The following COLEC10 variants were observed in gnomAD, a reference collection of about 807,000 sequenced individuals.
COLEC10 encodes collectin subfamily member 10.
COLEC10 carries 22 observed loss-of-function variants against 28.4 expected under a neutral mutation model. The ratio of observed to expected loss-of-function variants is 0.78; its 90% CI spans 0.55 to 1.11. The LOEUF is 1.11. COLEC10 is among the 50% of genes least tolerant of loss of function. The pLI is 0.00. For synonymous variants in COLEC10, 125 were observed against 116.1 expected, an observed-to-expected ratio of 1.08 and a Z score of -0.49; for missense variants, 361 against 344.1, an observed-to-expected ratio of 1.05 and a Z score of -0.39.
At chr8:119,090,665 T>G (rs1272339439) in intron 2 of COLEC10, among the ~76,000 whole-genome samples, 1 of 152,228 alleles carries the variant, frequency 6.6e-6, no homozygotes, top group African/African-American at 2.4e-5. Flanking sequence ...GAATGAAAAC[T>G]CAGCAGGACC....
intron 1 of COLEC10, among the ~76,000 whole-genome samples, chr8:119,007,510 A>C (rs969539950): frequency 6.6e-6 from 1 of 151,152 alleles, no homozygotes; most frequent in Non-Finnish European, 1.5e-5. Flanking sequence ...GTAGCTTTCT[A>C]AAAAGTTTAA....
chr8:118,965,529 G>A, the COLEC10 span, among the ~76,000 whole-genome samples: 17,400 of 151,878 alleles, frequency 0.11, 1,226 homozygotes, highest in African/African-American at 0.2. Context: ...TCTGGTGACC[G>A]GGGCTGAGCC....
At chr8:119,025,288 C>T (rs939367505) in intron 2 of COLEC10, among the ~76,000 whole-genome samples, 19 of 152,106 alleles carry the variant, frequency 1.2e-4, no homozygotes, top group East Asian at 3.9e-4. Context: ...TTAGACTTAC[C>T]GCAGAGATTA....
chr8:118,990,549 C>A (rs769500580), upstream of COLEC10, among the ~76,000 whole-genome samples: 5 of 152,100 alleles, frequency 3.3e-5, no homozygotes, highest in Non-Finnish European at 4.4e-5. Context: ...CAAATTATTT[C>A]TCTCCACAAA....
chr8:118,983,489 C>A, the COLEC10 span, among the ~76,000 whole-genome samples: 90 of 152,118 alleles, frequency 5.9e-4, 2 homozygotes, highest in East Asian at 0.016. Flanking sequence ...ATAAAATCAT[C>A]CAGAATAATT....
chr8:118,998,846 CAAAAAA>C (rs567463648), intron 1 of COLEC10, among the ~76,000 whole-genome samples: 1 of 76,630 alleles, frequency 1.3e-5, no homozygotes, highest in Non-Finnish European at 2.4e-5. Flanking sequence ...GACTCCGTCT[CAAAAAA>C]AAAAAAAAAA....
At chr8:119,073,893 T>C (rs919685553) in intron 1 of COLEC10, among the ~76,000 whole-genome samples, 1 of 151,856 alleles carries the variant, frequency 6.6e-6, no homozygotes, top group African/African-American at 2.4e-5. Flanking sequence ...TTTATATGTA[T>C]ATATCATAGA....
intron 2 of COLEC10, among the ~76,000 whole-genome samples, chr8:119,033,755 G>T (rs1244141341): frequency 1.3e-5 from 2 of 152,186 alleles, no homozygotes; most frequent in African/African-American, 4.8e-5. Context: ...ATGCTGGAGA[G>T]GTTCTGGAGA....
chr8:118,973,112 G>T, the COLEC10 span, among the ~76,000 whole-genome samples: 7 of 151,900 alleles, frequency 4.6e-5, no homozygotes, highest in African/African-American at 1.7e-4. Flanking sequence ...TTTGGGTGAG[G>T]ACACAGCAAA....
At chr8:118,965,205 A>C in the COLEC10 span, among the ~76,000 whole-genome samples, 114 of 151,898 alleles carry the variant, frequency 7.5e-4, no homozygotes, top group African/African-American at 2.6e-3. Context: ...AATTCTCTGT[A>C]TTATAAGATA....
At chr8:119,077,185 C>A (rs1041986453) in intron 1 of COLEC10, among the ~76,000 whole-genome samples, 1 of 147,318 alleles carries the variant, frequency 6.8e-6, no homozygotes, top group African/African-American at 2.5e-5. Flanking sequence ...CTTAAGATGA[C>A]ATTTTACTTT....
chr8:119,020,493 G>A lies in COLEC10; in HGVS notation n.235+10940G>A, dbSNP rs765645359. ...CCTAGTAGATGTACACAGACACTTA[G>A]TACATAAGGTTGCTGAGTACTGGGA... On this transcript the variant is annotated intron_variant and non_coding_transcript_variant, in intron 2 of 6. Transcript: ENST00000521788. Among the ~76,000 whole-genome samples, 86 of 152,204 alleles carry A rather than the reference G, an allele frequency of 5.7e-4. 2 individuals are homozygous for A. The highest frequency in any genetic ancestry group is 1.2e-3 in the East Asian group (6 of 5,166).
At chr8:119,043,340 G>A (rs575864063) in intron 2 of COLEC10, among the ~76,000 whole-genome samples, 1 of 152,200 alleles carries the variant, frequency 6.6e-6, no homozygotes, top group South Asian at 2.1e-4. Flanking sequence ...AGAAACAATA[G>A]CAGGAAGCCA....
chr8:119,093,806 A>G (rs1049936960), intron 3 of COLEC10, among the ~76,000 whole-genome samples: 31 of 152,174 alleles, frequency 2.0e-4, no homozygotes, highest in Admixed American at 2.0e-3. Context: ...TTAAAAGAGT[A>G]CAATTCCACC....
chr8:119,039,846 A>T (rs1274867880), intron 2 of COLEC10, among the ~76,000 whole-genome samples: 1 of 151,770 alleles, frequency 6.6e-6, no homozygotes, highest in African/African-American at 2.4e-5. Context: ...ACTTTTAAGG[A>T]CTCTGGTGAT....
chr8:119,095,001 A>C (rs1815681179), intron 3 of COLEC10, among the ~76,000 whole-genome samples: 1 of 152,172 alleles, frequency 6.6e-6, no homozygotes, highest in South Asian at 2.1e-4. Context: ...TTCTAATCAC[A>C]GCAAAAAATG....
chr8:118,958,887 G>T, the COLEC10 span, among the ~76,000 whole-genome samples: 3 of 152,158 alleles, frequency 2.0e-5, no homozygotes, highest in Admixed American at 1.3e-4. Flanking sequence ...ATATAAATGG[G>T]CTTGTCCTTT....
intron 1 of COLEC10, among the ~76,000 whole-genome samples, chr8:119,073,218 T>G (rs1268806016): frequency 3.3e-5 from 5 of 152,212 alleles, no homozygotes; most frequent in Non-Finnish European, 1.5e-5. Context: ...GAAATCAGAT[T>G]CCAGATTTTT....
chr8:118,962,564 A>G, the COLEC10 span, among the ~76,000 whole-genome samples: 1 of 152,194 alleles, frequency 6.6e-6, no homozygotes, highest in Non-Finnish European at 1.5e-5. Flanking sequence ...GGCATATTCA[A>G]TACCTCCCAA....
Sources: allele counts gnomAD v4.1 joint callset (sites outside exome capture counted in the v4.1 genomes callset), GRCh38; gene constraint gnomAD v4.1.1; transcripts MANE v1.5; gene names NCBI Gene and HGNC (gene_info 2026-07-23, HGNC 2026-07-21).